The following SPATA4 variants were observed in gnomAD, a reference collection of about 807,000 sequenced individuals.
SPATA4 encodes spermatogenesis associated 4, also known as spermatogenesis-associated protein 4.
In SPATA4, 35 loss-of-function variants were observed where a neutral mutation model predicts 31.8. The ratio of observed to expected loss-of-function variants is 1.10; its 90% confidence interval spans 0.84 to 1.46. The LOEUF (loss-of-function observed/expected upper bound fraction) is 1.46. SPATA4 is among the 40% of genes most tolerant of loss of function. The pLI is 0.00. For missense variants in SPATA4, 394 were observed against 363.1 expected, an observed-to-expected ratio of 1.09 and a Z score of -0.69; for synonymous variants, 126 against 132.4, an observed-to-expected ratio of 0.95 and a Z score of 0.33.
At position 176,195,362 on chromosome 4, in the gene SPATA4, G is replaced by C. The variant is rs1752599945; in HGVS notation, c.201C>G (p.Phe67Leu). Residue 67 changes from phenylalanine (F) to leucine (L), a missense_variant, in exon 1 of 6, where the codon TTC becomes TTG. Coordinates refer to ENST00000280191, the MANE Select transcript of SPATA4 (RefSeq NM_144644.4). The stretch of plus-strand genomic sequence containing the variant: ...TCAAGCACCTGTTGATGTTCCTGGG[G>C]AAGAAGCTGAGATCCAGACCCTGAA... ...RWLQGLDLSF[F>L]PRNINRDFSN... is the part of the protein sequence containing the mutation. The C allele has an allele frequency of 6.2e-7, 1 of 1,614,026 alleles. No individual in the cohort carries two copies. Among genetic ancestry groups the C allele is most frequent in the Non-Finnish European group, 8.5e-7 (1 of 1,180,032 alleles).
intron 5 of SPATA4, 133 bp downstream of exon 5, chr4:176,187,986 G>T: frequency 1.5e-6 from 1 of 679,092 alleles, no homozygotes. Flanking sequence ...CTGCATACCA[G>T]TGTAATTGGC....
In SPATA4 at chr4:176,188,234, T is replaced by A. The variant is rs763958920; in HGVS notation, c.690A>T (p.Glu230Asp). ...CCACTGTTGGTTTCACATCAAACCATTCTATAAAATATGAACACAAAAGTT... is the reference window on the plus strand; with the variant it reads ...CCACTGTTGGTTTCACATCAAACCAATCTATAAAATATGAACACAAAAGTT... The part of the protein sequence containing the change: ...QRKLGRKLNP[E>D]WFDVKPTVGE... The change falls in exon 5 of 6, where the codon GAA becomes GAT. Residue 230 changes from glutamate to aspartate, a missense_variant and splice_region_variant. Physicochemically the swap from Glu to Asp is conservative, Grantham distance 45. Transcript: ENST00000280191. 2.5e-6 allele frequency: 4 copies of A among 1,586,584 alleles called. No individual in the cohort carries two copies. The African/African-American group carries it at 5.4e-5, about 22-fold the overall frequency.
At position 176,193,448 on chromosome 4, in the gene SPATA4, C is replaced by G. The variant is rs184440805; in HGVS notation, c.348+5G>C. On this transcript the variant is annotated splice_donor_5th_base_variant and intron_variant, in intron 2 of 5. Transcript: ENST00000280191. ...AGTTAAAAGTGTAAATGACTGCTAA[C>G]GTACCTTCTCCAACTGTGCCCAGTT... is the stretch of plus-strand genomic sequence containing the variant. 578 of 1,609,142 alleles carry G rather than the reference C, an allele frequency of 3.6e-4. 1 individual carries two copies. Among genetic ancestry groups the G allele is most frequent in the Non-Finnish European group, 4.6e-4 (548 of 1,178,822 alleles).
intron 5 of SPATA4, among the ~76,000 whole-genome samples, 192 bp downstream of exon 5, chr4:176,187,927 G>A (rs908046116): frequency 2.0e-5 from 3 of 152,276 alleles, no homozygotes; most frequent in East Asian, 1.9e-4. Flanking sequence ...GGCTGGGGAG[G>A]GGGCAGCGAC....
At chr4:176,193,333 C>A (rs1752562705) in intron 2 of SPATA4, 120 bp downstream of exon 2, 3 of 1,260,046 alleles carry the variant, frequency 2.4e-6, no homozygotes, top group African/African-American at 1.5e-5. Context: ...TACACAGGAA[C>A]AAGCTGCCAA....
At chr4:176,192,090 C>T (rs1752540483) in intron 4 of SPATA4, among the ~76,000 whole-genome samples, 1 of 152,176 alleles carries the variant, frequency 6.6e-6, no homozygotes, top group Non-Finnish European at 1.5e-5. Context: ...CTGCCACCTG[C>T]CAGTGACTCT....
At chr4:176,190,248 G>C (rs1270519007) in intron 4 of SPATA4, among the ~76,000 whole-genome samples, 2 of 143,128 alleles carry the variant, frequency 1.4e-5, no homozygotes, top group East Asian at 1.9e-4. Flanking sequence ...TAAGACGATA[G>C]GGGGGTGGTC....
chr4:176,192,564 T>C (rs1158828639), intron 4 of SPATA4, 63 bp downstream of exon 4: 4 of 1,400,332 alleles, frequency 2.9e-6, no homozygotes, highest in Non-Finnish European at 4.0e-6. Context: ...ATTTCTTTCA[T>C]CTGTGCTCAA....
At chr4:176,191,613 T>C (rs144676592) in intron 4 of SPATA4, among the ~76,000 whole-genome samples, 25 of 152,324 alleles carry the variant, frequency 1.6e-4, no homozygotes, top group African/African-American at 5.1e-4. Flanking sequence ...GTGTGATAAA[T>C]ATCACAGCAA....
chr4:176,188,487 G>A lies in SPATA4; in HGVS notation c.689-252C>T, dbSNP rs747598096. Among the ~76,000 whole-genome samples, 40 of 152,150 alleles carry A rather than the reference G, an allele frequency of 2.6e-4. 1 individual carries two copies. Among genetic ancestry groups the A allele is most frequent in the South Asian group, 8.3e-4 (4 of 4,832 alleles). On this transcript the variant is annotated intron_variant, in intron 4 of 5. Coordinates refer to ENST00000280191, the MANE Select transcript of SPATA4 (RefSeq NM_144644.4). ...TGGTAAGTTTTTATTCAATTATAAT[G>A]TATATACAAAAAGGTAAACAAACAG...
chr4:176,195,238 G>T, intron 1 of SPATA4, 107 bp downstream of exon 1: 3 of 1,068,278 alleles, frequency 2.8e-6, no homozygotes, highest in Non-Finnish European at 4.2e-6. Flanking sequence ...GGGGGGTCTT[G>T]ATTTGAAACA....
intron 5 of SPATA4, among the ~76,000 whole-genome samples, chr4:176,185,320 G>C (rs1752423589): frequency 6.6e-6 from 1 of 152,154 alleles, no homozygotes; most frequent in African/African-American, 2.4e-5. Context: ...AGGTCACTCA[G>C]TTCTAATGGG....
chr4:176,187,540 G>A (rs1250387452), intron 5 of SPATA4, among the ~76,000 whole-genome samples: 1 of 151,698 alleles, frequency 6.6e-6, no homozygotes, highest in Admixed American at 6.6e-5. Flanking sequence ...GGAGGTGGAA[G>A]TTGCAGTGAG....
At chr4:176,191,096 ATTTT>A (rs70962456) in intron 4 of SPATA4, among the ~76,000 whole-genome samples, 2 of 123,196 alleles carry the variant, frequency 1.6e-5, no homozygotes, top group Non-Finnish European at 1.7e-5. Context: ...GTATGTATAG[ATTTT>A]TTTTTTTTTT....
chr4:176,192,883 C>G (rs1419196337), intron 3 of SPATA4, 36 bp from the exon 4 acceptor site: 9 of 1,597,630 alleles, frequency 5.6e-6, no homozygotes, highest in Non-Finnish European at 6.8e-6. Flanking sequence ...TGACAAGCAA[C>G]ATTTTAGCAA....
At chr4:176,186,858 T>C (rs1329445648) in intron 5 of SPATA4, among the ~76,000 whole-genome samples, 6 of 152,032 alleles carry the variant, frequency 3.9e-5, no homozygotes, top group Admixed American at 3.9e-4. Context: ...AAAAGGAACA[T>C]TGGCACTGCT....
chr4:176,189,769 G>A (rs1011096834), intron 4 of SPATA4, among the ~76,000 whole-genome samples: 7 of 152,182 alleles, frequency 4.6e-5, no homozygotes, highest in Non-Finnish European at 1.0e-4. Flanking sequence ...ATGCAGCTGA[G>A]GCAATTGGTT....
Position 176,195,483 on chromosome 4 carries a change from T to C in SPATA4, c.80A>G (p.Gln27Arg). 17 of 1,614,264 alleles carry C rather than the reference T, an allele frequency of 1.1e-5. No homozygotes were observed. Among genetic ancestry groups the C allele is most frequent in the Non-Finnish European group, 1.4e-5 (16 of 1,180,048 alleles). ...CCTCCCTCGGATGGGAGCTGCTAGC[T>C]GTGGCGAAAGTGACGGTGACTTGTC... is the stretch of plus-strand genomic sequence containing the variant. ...ALDKSPSLSP[Q>R]LAAPIRGRPK... Residue 27 changes from glutamine to arginine, a missense_variant, in exon 1 of 6, where the codon CAG becomes CGG. Physicochemically the swap from Gln to Arg is conservative, Grantham distance 43. Transcript: ENST00000280191.
chr4:176,188,149 C>G lies in SPATA4; in HGVS notation c.775G>C (p.Val259Leu). The G allele has an allele frequency of 6.2e-7, 1 of 1,613,404 alleles. No homozygotes were observed. The change falls in exon 5 of 6, where the codon GTT becomes CTT. Residue 259 changes from valine (V) to leucine (L), a missense_variant. Val to Leu is a conservative substitution (Grantham distance 32). Transcript: ENST00000280191. The part of the protein sequence containing the change: ...QASGRRYNLK[V>L]KRGRVVPVLP... ...ACAGGGACAACTCTTCCTCTTTTAA[C>G]TTTTAAATTATATCTGCGCCCAGAG...
Sources: allele counts gnomAD v4.1 joint callset (sites outside exome capture counted in the v4.1 genomes callset), GRCh38; gene constraint gnomAD v4.1.1; transcripts MANE v1.5; gene names NCBI Gene and HGNC (gene_info 2026-07-23, HGNC 2026-07-21).